LPIN2: variants seen among roughly 807,000 people sequenced by gnomAD.
LPIN2 encodes phosphatidate phosphatase LPIN2.
LPIN2 carries 55 observed loss-of-function variants against 111.4 expected under a neutral mutation model. That is an observed-to-expected ratio of 0.49 (90% CI 0.40 to 0.62). LPIN2 has a LOEUF of 0.62. LPIN2 is among the 20% of genes least tolerant of loss of function. The pLI, the probability that LPIN2 is intolerant of heterozygous loss-of-function variation, is 0.00. For missense variants in LPIN2, 992 were observed against 1,112.1 expected (o/e 0.89, Z 1.54); for synonymous variants, 425 against 414.0 (o/e 1.03, Z -0.32).
chr18:2,992,482 T>C lies in LPIN2; in HGVS notation c.-10+20605A>G, dbSNP rs145844400. Among the ~76,000 whole-genome samples the C allele has an allele frequency of 3.4e-3, 525 of 152,334 alleles. 3 individuals carry two copies. Among genetic ancestry groups the C allele is most frequent in the Non-Finnish European group, 5.4e-3 (369 of 68,030 alleles). Reference sequence around the variant, plus strand: ...ATTTTGGAAATAGCAGTGATGGTTGTACAACATAGTAAATGGTAGTTAATA... The same window carrying C: ...ATTTTGGAAATAGCAGTGATGGTTGCACAACATAGTAAATGGTAGTTAATA... On this transcript the variant is annotated intron_variant, in intron 1 of 19. Transcript: ENST00000677752.
chr18:2,934,287 G>C, intron 8 of LPIN2, 64 bp downstream of exon 8: 1 of 1,186,268 alleles, frequency 8.4e-7, no homozygotes, highest in Non-Finnish European at 1.3e-6. Flanking sequence ...GAGATGAAAT[G>C]TTTTACTCTA....
chr18:3,009,005 G>A (rs1487123960), intron 1 of LPIN2, among the ~76,000 whole-genome samples: 2 of 150,832 alleles, frequency 1.3e-5, no homozygotes, highest in Non-Finnish European at 2.9e-5. Flanking sequence ...GGTGGCTCAC[G>A]CCTGTAATCC....
In LPIN2 at chr18:2,927,889, C is replaced by T. The variant is rs750253480; in HGVS notation, c.1621-78G>A. The T allele has an allele frequency of 1.5e-4, 177 of 1,160,140 alleles. 2 individuals are homozygous for T. The highest frequency in any genetic ancestry group is 6.2e-4 in the South Asian group (51 of 81,654). The allele number at this position is 1,160,140 out of a possible 1,614,324, so 71.9% of individuals were successfully genotyped here. ...CTACCTTCTATGCTAGCCTGAAGGA[C>T]GGGGCCTTACTATGGAATGTGAGAA... On this transcript the variant is annotated intron_variant, in intron 11 of 19. Transcript: ENST00000677752.
chr18:2,932,119 G>T (rs775416948), intron 8 of LPIN2, among the ~76,000 whole-genome samples: 3 of 152,170 alleles, frequency 2.0e-5, no homozygotes, highest in Non-Finnish European at 2.9e-5. Context: ...GTTTCAGAAG[G>T]TGATCAAGGG....
chr18:2,989,026 CTATT>C (rs1328450075), intron 1 of LPIN2, among the ~76,000 whole-genome samples: 1 of 152,116 alleles, frequency 6.6e-6, no homozygotes, highest in Non-Finnish European at 1.5e-5. Flanking sequence ...CAGCCAAGCA[CTATT>C]TATTTAGTAT....
chr18:3,009,689 C>T (rs980494167), intron 1 of LPIN2, among the ~76,000 whole-genome samples: 3 of 152,126 alleles, frequency 2.0e-5, no homozygotes, highest in Non-Finnish European at 4.4e-5. Flanking sequence ...GATCCGCCCG[C>T]CTCGGCCTCC....
At chr18:2,943,234 A>T (rs573620679) in intron 4 of LPIN2, among the ~76,000 whole-genome samples, 7 of 152,208 alleles carry the variant, frequency 4.6e-5, no homozygotes, top group African/African-American at 1.7e-4. Context: ...CAAATCAATA[A>T]GCATTTTTTA....
chr18:2,924,332 C>T, intron 15 of LPIN2, 66 bp downstream of exon 15: 1 of 1,602,936 alleles, frequency 6.2e-7, no homozygotes, highest in Non-Finnish European at 8.5e-7. Flanking sequence ...CTCCCCACCA[C>T]ACACTGCCTG....
chr18:3,012,264 C>G (rs2078616692), intron 1 of LPIN2, among the ~76,000 whole-genome samples: 1 of 152,088 alleles, frequency 6.6e-6, no homozygotes, highest in South Asian at 2.1e-4. Context: ...AAAGCATTTC[C>G]AAGTATTCAG....
intron 1 of LPIN2, among the ~76,000 whole-genome samples, chr18:2,988,012 CAAAAAA>C (rs761121515): frequency 3.7e-4 from 12 of 32,348 alleles, no homozygotes; most frequent in Admixed American, 1.5e-3. Flanking sequence ...GAGACTGTCT[CAAAAAA>C]AAAAAAAAAA....
In LPIN2 at chr18:2,960,831, CA is replaced by C; in HGVS notation, c.9del (p.Tyr3Ter). MNYVGQLAGQVIV... is the reference protein window; with the variant it reads MNXVGQLAGQVIV... ...ATCACCTGCCCAGCCAGCTGTCCCA[CA>C]TAATTCATGGTTTGAGACTACAAGA... On this transcript the variant is annotated frameshift_variant, in exon 2 of 20. Coordinates refer to ENST00000677752, the MANE Select transcript of LPIN2 (RefSeq NM_001375808.2). LOFTEE classifies it high-confidence loss of function. 6 of 1,613,920 alleles carry C rather than the reference CA, an allele frequency of 3.7e-6. No homozygotes were observed. The highest frequency in any genetic ancestry group is 5.1e-6 in the Non-Finnish European group (6 of 1,179,902).
At chr18:2,941,309 C>T (rs1009466370) in intron 4 of LPIN2, among the ~76,000 whole-genome samples, 10 of 152,240 alleles carry the variant, frequency 6.6e-5, no homozygotes, top group East Asian at 1.9e-4. Flanking sequence ...GAGAAGGTTT[C>T]CTTTACTTGG....
intron 9 of LPIN2, 21 bp downstream of exon 9, chr18:2,931,235 G>C (rs568417517): frequency 1.2e-6 from 2 of 1,612,616 alleles, no homozygotes; most frequent in East Asian, 4.5e-5. Flanking sequence ...AATGAAGATG[G>C]GGCACAAACA....
At chr18:2,923,945 A>G in intron 15 of LPIN2, 84 bp from the exon 16 acceptor site, 3 of 1,065,402 alleles carry the variant, frequency 2.8e-6, no homozygotes, top group Admixed American at 1.7e-5. Flanking sequence ...TCAGCTGCCA[A>G]TAACTAATTG....
At chr18:2,938,692 T>C (rs1396119177) in intron 6 of LPIN2, among the ~76,000 whole-genome samples, 1 of 152,218 alleles carries the variant, frequency 6.6e-6, no homozygotes, top group African/African-American at 2.4e-5. Flanking sequence ...TAAAACAGTG[T>C]AAAAGTGGCA....
Position 2,921,542 on chromosome 18 carries a change from G to T in LPIN2, c.2433C>A (p.Asn811Lys). ...CCCAGGAGATACTCACATTTGGACG[G>T]TTTCCAAAGGCAGCATAGAAGGGCT... ...SKQPFYAAFG[N>K]RPNDVYAYTQ... The change falls in exon 18 of 20, where the codon AAC becomes AAA. Residue 811 changes from asparagine to lysine, a missense_variant. Physicochemically the swap from Asn to Lys is moderately conservative, Grantham distance 94. This residue lies in a region of LPIN2 where 185 missense variants were observed against 186.5 expected (regional missense o/e 0.99). Transcript: ENST00000677752. 1 of 1,612,194 alleles carries T rather than the reference G, an allele frequency of 6.2e-7. No homozygotes were observed. The highest frequency in any genetic ancestry group is 8.5e-7 in the Non-Finnish European group (1 of 1,178,212).
intron 1 of LPIN2, among the ~76,000 whole-genome samples, chr18:2,964,159 TG>T (rs1233232999): frequency 1.3e-5 from 2 of 151,234 alleles, no homozygotes; most frequent in Non-Finnish European, 2.9e-5. Flanking sequence ...GGCGTGCGCC[TG>T]TAGTCCCAGC....
chr18:3,001,212 T>C (rs2078430859), intron 1 of LPIN2, among the ~76,000 whole-genome samples: 1 of 152,052 alleles, frequency 6.6e-6, no homozygotes, highest in Admixed American at 6.6e-5. Flanking sequence ...TCCATCAAAA[T>C]GAGGAGGCAT....
chr18:2,921,036 C>T (rs978196700), intron 18 of LPIN2, 155 bp from the exon 19 acceptor site: 2 of 693,750 alleles, frequency 2.9e-6, no homozygotes, highest in African/African-American at 1.8e-5. Context: ...GAGCTTTAGA[C>T]AAACCTAAAC....
Sources: allele counts gnomAD v4.1 joint callset (sites outside exome capture counted in the v4.1 genomes callset), GRCh38; gene constraint gnomAD v4.1.1; regional missense constraint gnomAD v4.1.1; transcripts MANE v1.5; gene names NCBI Gene and HGNC (gene_info 2026-07-23, HGNC 2026-07-21).